ATP2C1: variants seen among roughly 807,000 people sequenced by gnomAD.
ATP2C1 encodes ATPase secretory pathway Ca2+ transporting 1.
In ATP2C1, 31 loss-of-function variants were observed where a neutral mutation model predicts 120.5. That is an observed-to-expected ratio of 0.26 (90% CI 0.19 to 0.35). ATP2C1 has a LOEUF of 0.35. Ranked by LOEUF, ATP2C1 falls within the 10% of genes least tolerant of loss-of-function variation. The probability of loss-of-function intolerance (pLI) is 1.00; values close to 1 mark genes in which losing one functional copy is unlikely to be tolerated. For missense variants in ATP2C1, 731 were observed against 1,107.5 expected (o/e 0.66, Z 4.83); for synonymous variants, 351 against 358.7 (o/e 0.98, Z 0.24).
At chr3:130,884,584 T>G (rs1277688645) in intron 1 of ATP2C1, among the ~76,000 whole-genome samples, 1 of 152,206 alleles carries the variant, frequency 6.6e-6, no homozygotes, top group Non-Finnish European at 1.5e-5. Context: ...GTCTGTCCAA[T>G]GCTGAAAATG....
intron 13 of ATP2C1, among the ~76,000 whole-genome samples, chr3:130,964,341 T>C (rs1379218907): frequency 6.6e-6 from 1 of 152,070 alleles, no homozygotes; most frequent in Non-Finnish European, 1.5e-5. Flanking sequence ...AGAAAATCCA[T>C]ACAACAACTG....
chr3:130,874,392 A>T (rs1353783066), intron 1 of ATP2C1, among the ~76,000 whole-genome samples: 2 of 152,332 alleles, frequency 1.3e-5, no homozygotes, highest in African/African-American at 4.8e-5. Flanking sequence ...TTATTCTGTA[A>T]CTTCCTATTG....
At chr3:130,988,269 G>A (rs767858289) in intron 20 of ATP2C1, among the ~76,000 whole-genome samples, 1 of 148,488 alleles carries the variant, frequency 6.7e-6, no homozygotes, top group Non-Finnish European at 1.5e-5. Context: ...CTTTTTTTTT[G>A]TAACTTCCTT....
chr3:130,940,539 G>A (rs1163711645), intron 6 of ATP2C1, 91 bp from the exon 7 acceptor site: 2 of 877,700 alleles, frequency 2.3e-6, no homozygotes, highest in East Asian at 2.6e-5. Flanking sequence ...AGAATTGGGG[G>A]AAATTTTAAA....
chr3:130,877,423 G>T (rs1462635791), intron 1 of ATP2C1, among the ~76,000 whole-genome samples: 1 of 151,958 alleles, frequency 6.6e-6, no homozygotes, highest in Non-Finnish European at 1.5e-5. Flanking sequence ...ATCTACCAAG[G>T]ACTTAAACAA....
intron 22 of ATP2C1, among the ~76,000 whole-genome samples, chr3:130,994,969 A>G (rs1436927785): frequency 6.6e-6 from 1 of 152,224 alleles, no homozygotes; most frequent in African/African-American, 2.4e-5. Context: ...CCTCTGCAAC[A>G]TGTGATCTAC....
chr3:130,893,976 C>T, upstream of ATP2C1: 1 of 985,628 alleles, frequency 1.0e-6, no homozygotes, highest in Non-Finnish European at 1.2e-6. Flanking sequence ...CCTCTCTCAG[C>T]GGAAGTAATA....
rs145743369 is a variant in ATP2C1, at chr3:131,012,523, G to A, written c.2630-3629G>A. ...TCTGCCTGCCTTGGCCTTCCAAAGT[G>A]CTGGGATTACAGGTGTGAGCCACTA... is the stretch of plus-strand genomic sequence containing the variant. On this transcript the variant is annotated intron_variant, in intron 26 of 26. Transcript: ENST00000328560. Among the ~76,000 whole-genome samples the A allele has an allele frequency of 1.2e-3, 185 of 152,140 alleles. 2 individuals carry two copies. The East Asian group carries it at 0.03, about 25-fold the overall frequency.
upstream of ATP2C1, among the ~76,000 whole-genome samples, chr3:130,891,664 A>G (rs1247323825): frequency 6.6e-6 from 1 of 152,192 alleles, no homozygotes; most frequent in African/African-American, 2.4e-5. Context: ...GATTCTCTCT[A>G]TAATAATCTT....
intron 2 of ATP2C1, among the ~76,000 whole-genome samples, chr3:130,927,280 G>A (rs957476589): frequency 9.0e-5 from 13 of 144,476 alleles, no homozygotes; most frequent in Middle Eastern, 3.6e-3. Flanking sequence ...TCGCTCTGTC[G>A]CCCAGGCTGG....
chr3:131,002,430 C>G lies in ATP2C1; in HGVS notation c.*1080C>G. 1 of 985,410 alleles carries G rather than the reference C, an allele frequency of 1.0e-6. No homozygotes were observed. Among genetic ancestry groups the G allele is most frequent in the Non-Finnish European group, 1.2e-6 (1 of 829,932 alleles). 61.0% of individuals were successfully genotyped at this position (985,410 alleles called of 1,614,324 possible). On this transcript the variant is annotated 3_prime_UTR_variant, in exon 28 of 28. Coordinates refer to ENST00000510168, the MANE Select transcript of ATP2C1 (RefSeq NM_001378687.1). The stretch of plus-strand genomic sequence containing the variant: ...CTTGCTCTGTGTGCATCTGAAGCTT[C>G]TTTGGCCTAGATTTTAGCACAAACC...
intron 4 of ATP2C1, among the ~76,000 whole-genome samples, 176 bp from the exon 5 acceptor site, chr3:130,934,446 A>G (rs2059579171): frequency 6.6e-6 from 1 of 152,042 alleles, no homozygotes; most frequent in African/African-American, 2.4e-5. Flanking sequence ...AAAGCTTTTA[A>G]ATGTAGTTAA....
intron 1 of ATP2C1, among the ~76,000 whole-genome samples, chr3:130,886,674 TAGA>T (rs1358659068): frequency 6.6e-6 from 1 of 152,228 alleles, no homozygotes; most frequent in Non-Finnish European, 1.5e-5. Context: ...TTTTCAACTC[TAGA>T]AGTTTTGCTT....
At position 130,894,162 on chromosome 3, in the gene ATP2C1, C is replaced by CCCCCCCAAAACCA; in HGVS notation, c.-356_-355insCCCCCCAAAACCA. 2.7e-6 allele frequency: 2 copies of CCCCCCCAAAACCA among 733,882 alleles called. No homozygotes were observed. The highest frequency in any genetic ancestry group is 3.3e-6 in the Non-Finnish European group (2 of 600,202). 45.5% of individuals were successfully genotyped at this position (733,882 alleles called of 1,614,324 possible). A position where few individuals can be genotyped will look rare whatever the true frequency, so the allele number is the denominator to read the frequency against. On this transcript the variant is annotated 5_prime_UTR_variant, in exon 1 of 28. Transcript: ENST00000510168. This position sits in a 1 kb window ranked among gnomAD's most constrained non-coding sequence, Gnocchi z 4.5. Reference sequence around the variant, plus strand: ...CCTCCTCTTCTCTCCCCTCCCCGCCCGCCCTCTCTCCCTCCCTTCCTCCCT... The same window carrying CCCCCCCAAAACCA: ...CCTCCTCTTCTCTCCCCTCCCCGCCCCCCCCCAAAACCAGCCCTCTCTCCCTCCCTTCCTCCCT...
chr3:130,882,759 T>C (rs1430541701), intron 1 of ATP2C1, among the ~76,000 whole-genome samples: 1 of 152,216 alleles, frequency 6.6e-6, no homozygotes, highest in African/African-American at 2.4e-5. Context: ...GGTTTGCTAG[T>C]ATTTCATTGA....
intron 1 of ATP2C1, among the ~76,000 whole-genome samples, chr3:130,879,164 CA>C (rs1410451349): frequency 6.6e-6 from 1 of 152,128 alleles, no homozygotes; most frequent in Non-Finnish European, 1.5e-5. Flanking sequence ...CCAGTTCAAG[CA>C]ATTCTCCTTC....
At chr3:130,893,250 T>C (rs910164529), upstream of ATP2C1, among the ~76,000 whole-genome samples, 2 of 152,192 alleles carry the variant, frequency 1.3e-5, no homozygotes, top group Non-Finnish European at 2.9e-5. Flanking sequence ...GTACAGCTGC[T>C]AAAAGAAGTG....
At chr3:130,893,481 A>T (rs79477674), upstream of ATP2C1, among the ~76,000 whole-genome samples, 7,330 of 152,270 alleles carry the variant, frequency 0.048, 260 homozygotes, top group Middle Eastern at 0.075. Flanking sequence ...CCAAGCAGTC[A>T]GTGCAGGGTT....
intron 8 of ATP2C1, among the ~76,000 whole-genome samples, chr3:130,951,353 C>A (rs2060361877): frequency 6.6e-6 from 1 of 152,076 alleles, no homozygotes; most frequent in South Asian, 2.1e-4. Flanking sequence ...GTTACTTAAC[C>A]TTTCAGTGCC....
Sources: gnomAD v4.1 joint callset for allele counts (sites outside exome capture counted in the v4.1 genomes callset) on GRCh38, gnomAD v4.1.1 for gene constraint, Gnocchi (gnomAD v3.1) non-coding constraint, MANE v1.5 for transcripts, NCBI Gene and HGNC (gene_info 2026-07-23, HGNC 2026-07-21) for gene names.